SPATS2L: variants seen among roughly 807,000 people sequenced by gnomAD.
SPATS2L encodes the protein spermatogenesis associated serine rich 2 like.
In SPATS2L, 30 loss-of-function variants were observed where a neutral mutation model predicts 59.6. The ratio of observed to expected loss-of-function variants is 0.50; its 90% CI spans 0.38 to 0.68. The LOEUF is 0.68. Among genes scored for constraint, SPATS2L ranks in the 30% least tolerant of loss-of-function variants. SPATS2L has a pLI of 0.00. For missense variants in SPATS2L, 615 were observed against 700.0 expected (o/e 0.88, Z 1.37); for synonymous variants, 252 against 263.5 (o/e 0.96, Z 0.42).
chr2:200,348,811 C>T (rs62179520), intron 2 of SPATS2L, among the ~76,000 whole-genome samples: 15,461 of 151,762 alleles, frequency 0.1, 881 homozygotes, highest in Non-Finnish European at 0.13. Context: ...ACTATTACTC[C>T]GTTTCAGAGC....
rs776341865 is a variant in SPATS2L at position 200,389,273 on chromosome 2, T to C, written c.29T>C (p.Val10Ala). 6.3e-7 allele frequency: 1 copy of C among 1,583,460 alleles called. No homozygotes were observed. Among genetic ancestry groups the C allele is most frequent in the Non-Finnish European group, 8.6e-7 (1 of 1,162,444 alleles). MAELNTHVN[V>A]KEKIYAVRSV... ...GCTGAACTCAATACTCATGTGAATG[T>C]CAAGGAAAAGGTAAGATCAAGTTAT... Residue 10 changes from valine (V) to alanine (A), a missense_variant, in exon 3 of 13, where the codon GTC becomes GCC. Around this residue, in one of 3 missense-constraint regions of SPATS2L, gnomAD observed 227 missense variants for 257.4 expected, o/e 0.88. Coordinates refer to ENST00000409140, the MANE Select transcript of SPATS2L (RefSeq NM_001100423.2).
intron 6 of SPATS2L, among the ~76,000 whole-genome samples, chr2:200,434,719 G>T (rs1185933588): frequency 6.6e-6 from 1 of 152,110 alleles, no homozygotes; most frequent in African/African-American, 2.4e-5. Flanking sequence ...AAATGGCATA[G>T]TATGTCATGT....
intron 3 of SPATS2L, among the ~76,000 whole-genome samples, chr2:200,395,597 T>C (rs2082304739): frequency 6.6e-6 from 1 of 152,166 alleles, no homozygotes; most frequent in Admixed American, 6.5e-5. Flanking sequence ...CCTCACAAAG[T>C]CATCAAGTAC....
intron 6 of SPATS2L, among the ~76,000 whole-genome samples, chr2:200,437,294 A>G (rs1043334438): frequency 2.0e-5 from 3 of 152,188 alleles, no homozygotes; most frequent in African/African-American, 7.2e-5. Flanking sequence ...ACCAGTTTGG[A>G]CGTGTCATTG....
chr2:200,365,973 G>A (rs972069562), intron 2 of SPATS2L, among the ~76,000 whole-genome samples: 4 of 152,192 alleles, frequency 2.6e-5, no homozygotes, highest in Non-Finnish European at 4.4e-5. Flanking sequence ...GAATGAGTAA[G>A]AATGGTAGAC....
chr2:200,473,516 A>C (rs552262759), intron 12 of SPATS2L, among the ~76,000 whole-genome samples: 1 of 152,308 alleles, frequency 6.6e-6, no homozygotes, highest in Admixed American at 6.5e-5. Context: ...TAAGAGGCTA[A>C]AGTTAGTGCA....
In SPATS2L at chr2:200,439,150, A is replaced by G; in HGVS notation, c.474A>G (p.Leu158=). The change falls in exon 7 of 13, where the codon CTA becomes CTG. Residue 158 remains leucine (L), a synonymous_variant. Coordinates refer to ENST00000409140, the MANE Select transcript of SPATS2L (RefSeq NM_001100423.2). ...GCAACAGACTACTGCAACAGAAACT[A>G]TCCTTAGATGGGAACCCCAAACCTA... ...TEGNRLLQQK[L]SLDGNPKPIH... is the part of the protein sequence containing the mutation. 1.9e-6 allele frequency: 3 copies of G among 1,613,700 alleles called. No homozygotes were observed. Among genetic ancestry groups the G allele is most frequent in the Non-Finnish European group, 2.5e-6 (3 of 1,179,692 alleles).
chr2:200,318,638 G>A (rs1172720286), intron 1 of SPATS2L, among the ~76,000 whole-genome samples: 2 of 152,010 alleles, frequency 1.3e-5, no homozygotes, highest in Non-Finnish European at 2.9e-5. Flanking sequence ...GACTCTTCTC[G>A]ATTGCATTTA....
chr2:200,331,695 A>T (rs966607664), intron 2 of SPATS2L, among the ~76,000 whole-genome samples: 1 of 152,140 alleles, frequency 6.6e-6, no homozygotes, highest in Non-Finnish European at 1.5e-5. Flanking sequence ...GAGAGTATTC[A>T]CCTCATTGGG....
chr2:200,331,203 T>C (rs140228588), intron 2 of SPATS2L, among the ~76,000 whole-genome samples: 20 of 152,364 alleles, frequency 1.3e-4, no homozygotes, highest in African/African-American at 3.6e-4. Context: ...ATAAGCCATA[T>C]AAATCCATTT....
chr2:200,369,099 G>GAGAT (rs5837735), intron 2 of SPATS2L, among the ~76,000 whole-genome samples: 146,378 of 149,210 alleles, frequency 0.98, 71,855 homozygotes, highest in Middle Eastern at 1. Flanking sequence ...AAAAAGAAGA[G>GAGAT]AGTTATGGCT....
intron 9 of SPATS2L, among the ~76,000 whole-genome samples, chr2:200,465,996 C>A (rs540369251): frequency 2.0e-5 from 3 of 152,230 alleles, no homozygotes; most frequent in African/African-American, 7.2e-5. Context: ...CATGCCACGG[C>A]ACTCCAGCCT....
At chr2:200,395,526 C>T (rs2082302735) in intron 3 of SPATS2L, among the ~76,000 whole-genome samples, 3 of 152,084 alleles carry the variant, frequency 2.0e-5, no homozygotes, top group Admixed American at 2.0e-4. Context: ...TGAAATAAGC[C>T]ACTTAACTTT....
At chr2:200,440,062 C>T (rs2084586059) in intron 7 of SPATS2L, among the ~76,000 whole-genome samples, 1 of 152,174 alleles carries the variant, frequency 6.6e-6, no homozygotes, top group African/African-American at 2.4e-5. Context: ...TACAATCTGC[C>T]TGTTTGTGAT....
At chr2:200,306,586 G>C (rs2079017773), upstream of SPATS2L, 1 of 1,001,270 alleles carries the variant, frequency 1.0e-6, no homozygotes, top group Admixed American at 6.2e-5. Flanking sequence ...GGCGCCGGCT[G>C]GGGTGTGTGC....
intron 6 of SPATS2L, among the ~76,000 whole-genome samples, chr2:200,432,569 A>G (rs1004991659): frequency 5.9e-5 from 9 of 152,222 alleles, no homozygotes; most frequent in Non-Finnish European, 5.9e-5. Context: ...GAGTTTCTCA[A>G]TGCATCATCC....
chr2:200,349,339 A>G (rs2080633424), intron 2 of SPATS2L, among the ~76,000 whole-genome samples: 1 of 152,188 alleles, frequency 6.6e-6, no homozygotes. Flanking sequence ...CTACATCAAG[A>G]GTCAAAGACA....
chr2:200,466,014 A>G (rs995332891), intron 9 of SPATS2L, among the ~76,000 whole-genome samples: 1 of 152,262 alleles, frequency 6.6e-6, no homozygotes, highest in Non-Finnish European at 1.5e-5. Context: ...CCTGGACGAA[A>G]GAGCGAGACT....
chr2:200,458,000 A>G (rs1439776132), intron 8 of SPATS2L, among the ~76,000 whole-genome samples: 1 of 152,258 alleles, frequency 6.6e-6, no homozygotes, highest in Non-Finnish European at 1.5e-5. Context: ...CACATTAAAT[A>G]TGAGTTTATA....
Sources: gnomAD v4.1 joint callset for allele counts (sites outside exome capture counted in the v4.1 genomes callset) on GRCh38, gnomAD v4.1.1 for gene constraint, gnomAD v4.1.1 regional missense constraint, MANE v1.5 for transcripts, NCBI Gene and HGNC (gene_info 2026-07-23, HGNC 2026-07-21) for gene names.